FSHR: variants seen among roughly 807,000 people sequenced by gnomAD.
FSHR encodes the protein follicle-stimulating hormone receptor.
A neutral mutation model predicts 52.1 loss-of-function variants in FSHR; 46 were observed. That is an observed-to-expected ratio of 0.88 (90% CI 0.70 to 1.13). FSHR has a LOEUF of 1.13. Ranked by LOEUF, FSHR falls within the 50% of genes most tolerant of loss-of-function variation. FSHR has a pLI of 0.00. For missense variants in FSHR, 964 were observed against 834.6 expected (o/e 1.16, Z -1.91); for synonymous variants, 399 against 309.6 (o/e 1.29, Z -3.03).
intron 8 of FSHR, among the ~76,000 whole-genome samples, chr2:48,980,687 G>T (rs539076334): frequency 4.3e-4 from 65 of 152,266 alleles, no homozygotes; most frequent in Admixed American, 4.3e-3. Context: ...TCAATTAAAC[G>T]TATTTATGGC....
intron 2 of FSHR, among the ~76,000 whole-genome samples, chr2:49,032,325 A>G (rs1175471548): frequency 6.6e-6 from 1 of 152,196 alleles, no homozygotes; most frequent in East Asian, 1.9e-4. Context: ...AGCTGTGGCA[A>G]CTGTCACATT....
intron 1 of FSHR, among the ~76,000 whole-genome samples, chr2:49,086,497 A>T (rs1414547863): frequency 6.6e-6 from 1 of 152,202 alleles, no homozygotes; most frequent in African/African-American, 2.4e-5. Context: ...GAAAAGCTGC[A>T]GTCCGAGTGG....
chr2:48,991,716 A>C (rs1259600407), intron 4 of FSHR, among the ~76,000 whole-genome samples: 1 of 152,180 alleles, frequency 6.6e-6, no homozygotes, highest in Non-Finnish European at 1.5e-5. Context: ...GGGTTTTTAG[A>C]GGCACATACG....
chr2:49,124,030 G>C (rs548683950), intron 1 of FSHR, among the ~76,000 whole-genome samples: 1 of 151,680 alleles, frequency 6.6e-6, no homozygotes, highest in South Asian at 2.1e-4. Context: ...TATCACCCAG[G>C]CTGGAGTGCA....
intron 2 of FSHR, among the ~76,000 whole-genome samples, chr2:49,034,557 G>C (rs142714780): frequency 3.9e-5 from 6 of 152,284 alleles, no homozygotes; most frequent in Non-Finnish European, 8.8e-5. Flanking sequence ...GTAAAAAACT[G>C]TCTCTTATCT....
At chr2:49,032,700 A>G (rs1572658609) in intron 2 of FSHR, among the ~76,000 whole-genome samples, 1 of 152,168 alleles carries the variant, frequency 6.6e-6, no homozygotes. Context: ...TGATTTACCC[A>G]AGGCCACACA....
At chr2:49,020,065 T>A (rs1215461971) in intron 3 of FSHR, 21 bp downstream of exon 3, 1 of 1,606,528 alleles carries the variant, frequency 6.2e-7, no homozygotes, top group Non-Finnish European at 8.5e-7. Context: ...CATGAGCAAA[T>A]CCCCCAATCT....
intron 2 of FSHR, among the ~76,000 whole-genome samples, chr2:49,041,636 C>A (rs1365626945): frequency 6.6e-6 from 1 of 152,010 alleles, no homozygotes; most frequent in Non-Finnish European, 1.5e-5. Context: ...GGTCTTGGGT[C>A]TTTCAATTCT....
chr2:49,048,302 GA>G (rs147089907), intron 2 of FSHR, among the ~76,000 whole-genome samples: 1 of 151,502 alleles, frequency 6.6e-6, no homozygotes, highest in Non-Finnish European at 1.5e-5. Flanking sequence ...TTTTCTTATA[GA>G]AAAAAAACCT....
chr2:48,973,352 T>C (rs901342354), intron 8 of FSHR, among the ~76,000 whole-genome samples: 1 of 152,266 alleles, frequency 6.6e-6, no homozygotes, highest in East Asian at 1.9e-4. Flanking sequence ...TGGGGACTAC[T>C]TGGAAGTGGA....
At chr2:48,964,453 G>A (rs1248613460) in intron 9 of FSHR, among the ~76,000 whole-genome samples, 10 of 152,148 alleles carry the variant, frequency 6.6e-5, no homozygotes, top group Non-Finnish European at 1.3e-4. Flanking sequence ...ATCAAAATCT[G>A]TAGTTAGTTC....
At chr2:49,084,831 T>G (rs1670314788) in intron 1 of FSHR, among the ~76,000 whole-genome samples, 1 of 152,014 alleles carries the variant, frequency 6.6e-6, no homozygotes, top group South Asian at 2.1e-4. Flanking sequence ...AATAACAGGA[T>G]CTGAAATTGT....
At chr2:48,972,160 A>G (rs988129049) in intron 8 of FSHR, among the ~76,000 whole-genome samples, 5 of 152,280 alleles carry the variant, frequency 3.3e-5, no homozygotes, top group Middle Eastern at 3.4e-3. Context: ...AATCTGTTCC[A>G]CCTTTCCAGT....
At chr2:49,086,571 A>G (rs1384605598) in intron 1 of FSHR, among the ~76,000 whole-genome samples, 1 of 152,186 alleles carries the variant, frequency 6.6e-6, no homozygotes, top group Non-Finnish European at 1.5e-5. Context: ...AAGATTTTTC[A>G]TACTATAAAT....
At chr2:49,010,526 A>G (rs1476020441) in intron 4 of FSHR, among the ~76,000 whole-genome samples, 1 of 151,958 alleles carries the variant, frequency 6.6e-6, no homozygotes, top group Non-Finnish European at 1.5e-5. Flanking sequence ...TTGGTATCAG[A>G]ATGATGCTGG....
chr2:49,027,173 C>G (rs1188824144), intron 2 of FSHR, among the ~76,000 whole-genome samples: 2 of 152,184 alleles, frequency 1.3e-5, no homozygotes, highest in Non-Finnish European at 2.9e-5. Context: ...ATCTTAAATT[C>G]TCTCAATTAC....
chr2:49,097,025 C>T (rs892385171), intron 1 of FSHR, among the ~76,000 whole-genome samples: 1 of 152,132 alleles, frequency 6.6e-6, no homozygotes, highest in African/African-American at 2.4e-5. Flanking sequence ...GAACTATGAG[C>T]CAATTAAATC....
chr2:48,995,898 G>A (rs965770647), intron 4 of FSHR, among the ~76,000 whole-genome samples: 1 of 152,016 alleles, frequency 6.6e-6, no homozygotes, highest in Admixed American at 6.6e-5. Context: ...TGGAATGATC[G>A]ATTCTGAGAC....
intron 1 of FSHR, among the ~76,000 whole-genome samples, chr2:49,070,588 T>C (rs989091787): frequency 2.0e-5 from 3 of 152,152 alleles, no homozygotes; most frequent in African/African-American, 7.2e-5. Flanking sequence ...ACGAGATGCA[T>C]GGAGAGTGAG....
Sources: gnomAD v4.1 joint callset for allele counts (sites outside exome capture counted in the v4.1 genomes callset) on GRCh38, gnomAD v4.1.1 for gene constraint, MANE v1.5 for transcripts, NCBI Gene and HGNC (gene_info 2026-07-23, HGNC 2026-07-21) for gene names.